ACSL6: variants seen among roughly 807,000 people sequenced by gnomAD.
ACSL6 encodes the protein long-chain-fatty-acid--CoA ligase 6.
A neutral mutation model predicts 98.2 loss-of-function variants in ACSL6; 47 were observed. That is an observed-to-expected ratio of 0.48 (90% CI 0.38 to 0.61). The LOEUF (loss-of-function observed/expected upper bound fraction) is 0.61. Ranked by LOEUF, ACSL6 falls within the 20% of genes least tolerant of loss-of-function variation. The probability of loss-of-function intolerance (pLI) is 0.00; values close to 1 mark genes in which losing one functional copy is unlikely to be tolerated. For synonymous variants in ACSL6, 362 were observed against 336.9 expected (o/e 1.07, Z -0.82); for missense variants, 761 against 913.4 (o/e 0.83, Z 2.15).
chr5:131,975,179 C>T, intron 10 of ACSL6: 1 of 1,403,180 alleles, frequency 7.1e-7, no homozygotes. Flanking sequence ...GGGGAAGGTG[C>T]AGAAAGAAGA....
At chr5:131,980,719 T>C (rs1753845315) in intron 9 of ACSL6, among the ~76,000 whole-genome samples, 1 of 152,102 alleles carries the variant, frequency 6.6e-6, no homozygotes, top group South Asian at 2.1e-4. Context: ...TCCAGACCTG[T>C]GGCCCTTCCC....
rs1304233531 is a variant in ACSL6 at position 131,960,690 on chromosome 5, A to G, written c.1858-69T>C. ...TTAAAGTGGTTATTTGTGGTCCAGC[A>G]TTAAAATTCTCAGACTCCACCTTTT... is the stretch of plus-strand genomic sequence containing the variant. On this transcript the variant is annotated intron_variant, in intron 18 of 20. Transcript: ENST00000651883. 5 of 1,260,216 alleles carry G rather than the reference A, an allele frequency of 4.0e-6. No individual in the cohort carries two copies. The Admixed American group carries it at 1.2e-4, about 31-fold the overall frequency. The allele number at this position is 1,260,216 out of a possible 1,614,324, so 78.1% of individuals were successfully genotyped here.
chr5:132,003,249 G>T (rs1388685269), intron 1 of ACSL6, among the ~76,000 whole-genome samples: 1 of 152,198 alleles, frequency 6.6e-6, no homozygotes, highest in Non-Finnish European at 1.5e-5. Context: ...GGCTGTGCTG[G>T]TCAACGGGAA....
upstream of ACSL6, chr5:132,012,107 A>G: frequency 1.4e-6 from 1 of 721,056 alleles, no homozygotes; most frequent in Non-Finnish European, 2.1e-6. Context: ...GGAGGTGCAC[A>G]CTCCTGTGGG....
chr5:131,971,957 C>T (rs922973990), intron 13 of ACSL6, among the ~76,000 whole-genome samples: 2 of 152,224 alleles, frequency 1.3e-5, no homozygotes, highest in Non-Finnish European at 2.9e-5. Flanking sequence ...AAATACACAG[C>T]TGTTCCGTCA....
At chr5:132,006,208 G>A (rs1755399940) in intron 1 of ACSL6, 1 of 152,196 alleles carries the variant, frequency 6.6e-6, no homozygotes, top group African/African-American at 2.4e-5. Flanking sequence ...CTTGGGATTT[G>A]AAATCCTTCT....
In ACSL6 at chr5:132,000,927, C is replaced by T. The variant is rs542360744; in HGVS notation, c.50-6676G>A. Reference sequence around the variant, plus strand: ...CTTCCCTGGAGCAGATAACAGCTTCCACTACTCACCCTACCATCTGGGTGA... The same window carrying T: ...CTTCCCTGGAGCAGATAACAGCTTCTACTACTCACCCTACCATCTGGGTGA... On this transcript the variant is annotated intron_variant, in intron 1 of 20. Transcript: ENST00000651883. Among the ~76,000 whole-genome samples, 40 of 152,296 alleles carry T rather than the reference C, an allele frequency of 2.6e-4. 1 individual carries two copies. The South Asian group carries it at 7.9e-3, about 30-fold the overall frequency.
intron 5 of ACSL6, 138 bp downstream of exon 5, chr5:131,989,269 G>A: frequency 1.2e-6 from 1 of 816,300 alleles, no homozygotes; most frequent in Non-Finnish European, 2.0e-6. Flanking sequence ...AGGGTGGGAA[G>A]AGGAGTGGTG....
chr5:131,960,866 C>T, intron 18 of ACSL6: 1 of 353,196 alleles, frequency 2.8e-6, no homozygotes, highest in Non-Finnish European at 5.1e-6. Flanking sequence ...CTGATATGCA[C>T]CTTTGATTCT....
intron 4 of ACSL6, among the ~76,000 whole-genome samples, 186 bp downstream of exon 4, chr5:131,989,914 G>A (rs575930564): frequency 6.6e-6 from 1 of 152,286 alleles, no homozygotes; most frequent in South Asian, 2.1e-4. Context: ...TAGATCTGAG[G>A]GACCTCCCTG....
chr5:131,952,452 C>T lies in ACSL6; in HGVS notation c.*1782G>A. On this transcript the variant is annotated 3_prime_UTR_variant, in exon 21 of 21. Transcript: ENST00000651883. The stretch of plus-strand genomic sequence containing the variant: ...GCCCATGTGATTATGTGGTTTTTAA[C>T]TAACAGCATTTATTTTTGCAAACTG... 1 of 214,390 alleles carries T rather than the reference C, an allele frequency of 4.7e-6. No homozygotes were observed. Among genetic ancestry groups the T allele is most frequent in the Non-Finnish European group, 9.4e-6 (1 of 106,170 alleles). The allele number at this position is 214,390 out of a possible 1,614,324, so 13.3% of individuals were successfully genotyped here.
intron 9 of ACSL6, 170 bp downstream of exon 9, chr5:131,985,237 C>T: frequency 1.3e-6 from 1 of 786,196 alleles, no homozygotes; most frequent in Non-Finnish European, 2.1e-6. Context: ...TCTGGCCACT[C>T]TTATGCAGGG....
intron 1 of ACSL6, among the ~76,000 whole-genome samples, chr5:132,009,109 T>G (rs552243602): frequency 5.9e-5 from 9 of 152,328 alleles, no homozygotes; most frequent in Admixed American, 4.6e-4. Context: ...TGCTGGCCTC[T>G]CCAGCAGGCA....
intron 14 of ACSL6, 107 bp downstream of exon 14, chr5:131,971,442 CA>C: frequency 2.2e-5 from 21 of 962,104 alleles, no homozygotes; most frequent in Non-Finnish European, 2.6e-5. Context: ...TTTTGTCTCA[CA>C]AAAATCTTGT....
At chr5:131,967,158 C>A (rs983932627) in intron 16 of ACSL6, among the ~76,000 whole-genome samples, 2 of 151,658 alleles carry the variant, frequency 1.3e-5, no homozygotes, top group Admixed American at 6.6e-5. Context: ...TCAGCCTGGG[C>A]AACACAGCAA....
chr5:132,003,986 TG>T (rs1755239849), intron 1 of ACSL6, among the ~76,000 whole-genome samples: 1 of 151,772 alleles, frequency 6.6e-6, no homozygotes, highest in Non-Finnish European at 1.5e-5. Flanking sequence ...GAGAAAGAAA[TG>T]GGAAGAAAAA....
chr5:131,972,962 C>A, intron 12 of ACSL6, 104 bp from the exon 13 acceptor site: 1 of 1,516,970 alleles, frequency 6.6e-7, no homozygotes, highest in South Asian at 1.2e-5. Flanking sequence ...AAGCCATGTT[C>A]CATTTTGCCC....
chr5:131,954,699 G>A (rs1344311890), intron 20 of ACSL6, among the ~76,000 whole-genome samples: 1 of 152,098 alleles, frequency 6.6e-6, no homozygotes, highest in Admixed American at 6.6e-5. Flanking sequence ...AGAAACACTG[G>A]GCAATTATCA....
chr5:131,990,085 T>C lies in ACSL6; in HGVS notation c.450+15A>G. The stretch of plus-strand genomic sequence containing the variant: ...GAATGGGTGGCCAGGGTGGGGCCTG[T>C]CCTGTATCACTCACCTCCTGGTAGG... On this transcript the variant is annotated intron_variant, in intron 4 of 20. Coordinates refer to ENST00000651883, the MANE Select transcript of ACSL6 (RefSeq NM_001009185.3). The C allele has an allele frequency of 6.2e-7, 1 of 1,613,094 alleles. No homozygotes were observed. The highest frequency in any genetic ancestry group is 1.3e-5 in the African/African-American group (1 of 75,048).
Sources: gnomAD v4.1 joint callset for allele counts (sites outside exome capture counted in the v4.1 genomes callset) on GRCh38, gnomAD v4.1.1 for gene constraint, MANE v1.5 for transcripts, NCBI Gene and HGNC (gene_info 2026-07-23, HGNC 2026-07-21) for gene names.